CCDC144A: variants seen among roughly 807,000 people sequenced by gnomAD.
CCDC144A encodes coiled-coil domain-containing protein 144A.
In CCDC144A, 41 loss-of-function variants were observed where a neutral mutation model predicts 143.8. The observed-to-expected ratio is 0.29, with a 90% CI of 0.22 to 0.37. CCDC144A has a LOEUF of 0.37. Among genes scored for constraint, CCDC144A ranks in the 10% least tolerant of loss-of-function variants. CCDC144A has a pLI of 1.00. For missense variants in CCDC144A, 637 were observed against 1,488.8 expected (o/e 0.43, Z 9.41); for synonymous variants, 242 against 517.9 (o/e 0.47, Z 7.23).
At chr17:16,739,661 C>A (rs1179876908) in intron 12 of CCDC144A, among the ~76,000 whole-genome samples, 1 of 151,354 alleles carries the variant, frequency 6.6e-6, no homozygotes, top group Admixed American at 6.6e-5. Context: ...GTTGAAAAAT[C>A]TATTCATTTC....
intron 5 of CCDC144A, among the ~76,000 whole-genome samples, chr17:16,711,157 A>AAAAAAAAC (rs1567589793): frequency 2.1e-5 from 3 of 142,978 alleles, no homozygotes; most frequent in African/African-American, 5.2e-5. Flanking sequence ...AAAAAAAAAA[A>AAAAAAAAC]ACAAAAGTTA....
chr17:16,771,354 T>G (rs1915817526), intron 15 of CCDC144A, among the ~76,000 whole-genome samples: 1 of 152,268 alleles, frequency 6.6e-6, no homozygotes, highest in Non-Finnish European at 1.5e-5. Context: ...TATTTATCCT[T>G]GTTTTTATGT....
At chr17:16,753,799 A>G (rs1460251810) in intron 12 of CCDC144A, among the ~76,000 whole-genome samples, 3 of 152,180 alleles carry the variant, frequency 2.0e-5, no homozygotes, top group African/African-American at 7.2e-5. Flanking sequence ...CTTCAGGGAT[A>G]TTGGCATGTA....
intron 12 of CCDC144A, among the ~76,000 whole-genome samples, chr17:16,743,191 A>G: frequency 6.6e-6 from 1 of 151,854 alleles, no homozygotes; most frequent in East Asian, 1.9e-4. Context: ...TTTTCCATAT[A>G]TTTTCTTGTT....
chr17:16,697,227 C>T (rs1011137873), intron 2 of CCDC144A, among the ~76,000 whole-genome samples: 1 of 151,932 alleles, frequency 6.6e-6, no homozygotes, highest in African/African-American at 2.4e-5. Context: ...AGTATTAGGG[C>T]AATCTGGTTA....
At chr17:16,667,955 T>C in the CCDC144A span, among the ~76,000 whole-genome samples, 2 of 149,598 alleles carry the variant, frequency 1.3e-5, no homozygotes, top group African/African-American at 2.5e-5. Flanking sequence ...TCTGTGTTAA[T>C]GATTTTGTTG....
chr17:16,678,693 A>G, the CCDC144A span, among the ~76,000 whole-genome samples: 1 of 143,262 alleles, frequency 7.0e-6, no homozygotes, highest in African/African-American at 2.6e-5. Flanking sequence ...CAATCGTGCC[A>G]TCTCAGCCTC....
the CCDC144A span, chr17:16,684,113 A>G: frequency 2.0e-5 from 22 of 1,105,714 alleles, no homozygotes; most frequent in East Asian, 4.7e-4. Context: ...TGGTATAACT[A>G]ACTGGGTTCA....
At chr17:16,667,347 AGCTGAGG>A in the CCDC144A span, among the ~76,000 whole-genome samples, 21,646 of 119,494 alleles carry the variant, frequency 0.18, 1,861 homozygotes, top group East Asian at 0.37. Context: ...GCGGCTGAGG[AGCTGAGG>A]GGCTGAGGCG....
chr17:16,751,357 T>G (rs1399958910), intron 12 of CCDC144A, among the ~76,000 whole-genome samples: 1 of 152,178 alleles, frequency 6.6e-6, no homozygotes, highest in Non-Finnish European at 1.5e-5. Flanking sequence ...AGATGTGTGT[T>G]GAAGGTATAT....
rs1382751725 is a variant in CCDC144A at position 16,713,986 on chromosome 17, G to T, written c.1715+2171G>T. 2.0e-5 allele frequency among the ~76,000 whole-genome samples: 3 copies of T among 152,072 alleles called. No homozygotes were observed. The East Asian group carries it at 5.8e-4, about 29-fold the overall frequency. ...TTGTTCTCAAGTTTACCATTGATTT[G>T]TAAATCTAGACATTGTTTCTTAGAC... On this transcript the variant is annotated intron_variant, in intron 6 of 16. Coordinates refer to ENST00000399273, the MANE Select transcript of CCDC144A (RefSeq NM_001382000.1).
intron 6 of CCDC144A, among the ~76,000 whole-genome samples, chr17:16,717,495 C>A (rs1007299546): frequency 7.2e-5 from 11 of 152,282 alleles, no homozygotes; most frequent in Non-Finnish European, 1.6e-4. Flanking sequence ...CTAGGAAACA[C>A]CTAGACTCCA....
chr17:16,717,466 C>T (rs1323402693), intron 6 of CCDC144A, among the ~76,000 whole-genome samples: 1 of 152,106 alleles, frequency 6.6e-6, no homozygotes, highest in African/African-American at 2.4e-5. Flanking sequence ...TTGTGTTTTA[C>T]ACTTTTCCTT....
At chr17:16,725,033 T>TTTTTTTTTTG (rs1555532850) in intron 8 of CCDC144A, among the ~76,000 whole-genome samples, 2 of 94,300 alleles carry the variant, frequency 2.1e-5, no homozygotes, top group Admixed American at 1.2e-4. Flanking sequence ...TTTTTTTTTT[T>TTTTTTTTTTG]TGTGTGAAAT....
Position 16,751,141 on chromosome 17 carries a change from C to T in CCDC144A, c.3373-10284C>T, listed in dbSNP as rs574044309. 1.3e-3 allele frequency among the ~76,000 whole-genome samples: 198 copies of T among 152,312 alleles called. 1 individual carries two copies. Among genetic ancestry groups the T allele is most frequent in the African/African-American group, 4.7e-3 (194 of 41,566 alleles). On this transcript the variant is annotated intron_variant, in intron 12 of 16. Coordinates refer to ENST00000399273, the MANE Select transcript of CCDC144A (RefSeq NM_001382000.1). Reference sequence around the variant, plus strand: ...TAGAGTTCTTGTACTGATTATTCCTCCTCTGAAAATGCTGATGTTTCTTTA... The same window carrying T: ...TAGAGTTCTTGTACTGATTATTCCTTCTCTGAAAATGCTGATGTTTCTTTA...
the CCDC144A span, among the ~76,000 whole-genome samples, chr17:16,675,954 T>C: frequency 6.6e-6 from 1 of 151,758 alleles, no homozygotes; most frequent in Admixed American, 6.6e-5. Flanking sequence ...TTCACCGTGA[T>C]AGCCAAGATG....
chr17:16,762,525 A>C lies in CCDC144A; in HGVS notation c.3879A>C (p.Glu1293Asp). 1 of 1,574,010 alleles carries C rather than the reference A, an allele frequency of 6.4e-7. No homozygotes were observed. Among genetic ancestry groups the C allele is most frequent in the Non-Finnish European group, 8.6e-7 (1 of 1,160,614 alleles). The change falls in exon 14 of 17, where the codon GAA (glutamate) becomes GAC (aspartate). Residue 1293 changes from glutamate to aspartate, a missense_variant. Physicochemically the swap from Glu to Asp is conservative, Grantham distance 45. Transcript: ENST00000399273. ...AAGTTAGAGAATCCTTGTCAAATGA[A>C]CTCAGTAGGTAAGTCAATATGCAGA... ...EVKVRESLSNELSRTNEMIAE... is the reference protein window; with the variant it reads ...EVKVRESLSNDLSRTNEMIAE...
chr17:16,720,439 G>A (rs1913025593), intron 7 of CCDC144A, 78 bp from the exon 8 acceptor site: 1 of 1,477,204 alleles, frequency 6.8e-7, no homozygotes, highest in Admixed American at 2.5e-5. Flanking sequence ...AAAAAATGGA[G>A]AAATACCGCT....
the CCDC144A span, chr17:16,684,234 G>C: frequency 1.1e-6 from 1 of 896,728 alleles, no homozygotes; most frequent in Non-Finnish European, 1.9e-6. Context: ...CAGTGGGCGA[G>C]TATCTTAAAT....
Sources: gnomAD v4.1 joint callset for allele counts (sites outside exome capture counted in the v4.1 genomes callset) on GRCh38, gnomAD v4.1.1 for gene constraint, MANE v1.5 for transcripts, NCBI Gene and HGNC (gene_info 2026-07-23, HGNC 2026-07-21) for gene names.